ZKSCAN1: variants seen among roughly 807,000 people sequenced by gnomAD.
ZKSCAN1 encodes zinc finger with KRAB and SCAN domains 1.
ZKSCAN1 carries 14 observed loss-of-function variants against 51.6 expected under a neutral mutation model. The observed-to-expected ratio is 0.27, with a 90% CI of 0.18 to 0.42. The LOEUF is 0.42. Ranked by LOEUF, ZKSCAN1 falls within the 10% of genes least tolerant of loss-of-function variation. The pLI is 1.00. For synonymous variants in ZKSCAN1, 263 were observed against 261.5 expected, an observed-to-expected ratio of 1.01 and a Z score of -0.06; for missense variants, 531 against 710.0, an observed-to-expected ratio of 0.75 and a Z score of 2.86.
At position 100,024,275 on chromosome 7, in the gene ZKSCAN1, C is replaced by T. The variant is rs759540374; in HGVS notation, c.548C>T (p.Ser183Leu). The change falls in exon 3 of 6, where the codon TCG (serine) becomes TTG (leucine). Residue 183 changes from serine (S) to leucine (L), a missense_variant. Ser to Leu is a moderately radical substitution (Grantham distance 145). Coordinates refer to ENST00000324306, the MANE Select transcript of ZKSCAN1 (RefSeq NM_003439.4). ...HEATQSHFKH[S>L]SRKPRLLQSR... ...GCCACCCAGTCCCACTTCAAACATT[C>T]GTCTCGGAAACCCCGCCTCTTACAG... The T allele has an allele frequency of 1.1e-5, 17 of 1,613,876 alleles. No homozygotes were observed. The Admixed American group carries it at 1.2e-4, about 11-fold the overall frequency.
At chr7:100,030,512 T>G (rs1791061877) in intron 5 of ZKSCAN1, 137 bp downstream of exon 5, 1 of 1,111,430 alleles carries the variant, frequency 9.0e-7, no homozygotes, top group African/African-American at 1.6e-5. Flanking sequence ...AGATGGAAAG[T>G]GAGAATGTTT....
Position 100,023,809 on chromosome 7 carries a change from A to G in ZKSCAN1, c.303A>G (p.Leu101=), listed in dbSNP as rs1159812675. The G allele has an allele frequency of 1.2e-6, 2 of 1,614,194 alleles. No individual in the cohort carries two copies. The highest frequency in any genetic ancestry group is 1.1e-5 in the South Asian group (1 of 91,076). Residue 101 remains leucine (L), a synonymous_variant, in exon 2 of 6, where the codon CTA becomes CTG. Coordinates refer to ENST00000324306, the MANE Select transcript of ZKSCAN1 (RefSeq NM_003439.4). ...TKEQILELLV[L]EQFLSILPKE... ...AACAGATCCTGGAGCTTCTGGTGCT[A>G]GAGCAGTTTCTTTCCATCCTGCCCA...
chr7:100,029,768 A>C (rs566583165), intron 3 of ZKSCAN1, 93 bp from the exon 4 acceptor site: 47 of 1,191,094 alleles, frequency 3.9e-5, no homozygotes, highest in Non-Finnish European at 5.5e-5. Context: ...AACAGTGAAC[A>C]TGCTGGTGCA....
Position 100,023,900 on chromosome 7 carries a change from G to A in ZKSCAN1, c.394G>A (p.Glu132Lys). The A allele has an allele frequency of 1.2e-6, 2 of 1,602,924 alleles. No individual in the cohort carries two copies. The highest frequency in any genetic ancestry group is 1.7e-6 in the Non-Finnish European group (2 of 1,176,884). ...DSGEEAVTLL[E>K]DLELDLSGQQ... ...TGGAGAGGAGGCCGTGACCCTTCTAGAAGACTTGGAGCTTGATTTATCAGG... is the reference window on the plus strand; with the variant it reads ...TGGAGAGGAGGCCGTGACCCTTCTAAAAGACTTGGAGCTTGATTTATCAGG... The change falls in exon 2 of 6, where the codon GAA (glutamate) becomes AAA (lysine). Residue 132 changes from glutamate to lysine, a missense_variant. By Grantham distance (56) the Glu-to-Lys change is moderately conservative. Around this residue, in one of 2 missense-constraint regions of ZKSCAN1, gnomAD observed 403 missense variants for 490.5 expected, o/e 0.82. Coordinates refer to ENST00000324306, the MANE Select transcript of ZKSCAN1 (RefSeq NM_003439.4).
At chr7:100,030,564 T>G (rs1034798647) in intron 5 of ZKSCAN1, among the ~76,000 whole-genome samples, 189 bp downstream of exon 5, 1 of 152,170 alleles carries the variant, frequency 6.6e-6, no homozygotes, top group African/African-American at 2.4e-5. Context: ...TGACCCTGAT[T>G]CCAGGTGGGT....
In ZKSCAN1 at chr7:100,029,164, CAAAAA is replaced by C. The variant is rs56176717; in HGVS notation, c.581-676_581-672del. On this transcript the variant is annotated intron_variant, in intron 3 of 5. Coordinates refer to ENST00000324306, the MANE Select transcript of ZKSCAN1 (RefSeq NM_003439.4). ...GGGCAACAAGAGCAAAACTCTGTCT[CAAAAA>C]AAAAAAAAAAAAAAAAAAAACTTAC... 4.1e-3 allele frequency among the ~76,000 whole-genome samples: 490 copies of C among 120,266 alleles called. 2 individuals are homozygous for C. Among genetic ancestry groups the C allele is most frequent in the African/African-American group, 0.015 (473 of 31,672 alleles). 78.9% of individuals were successfully genotyped at this position (120,266 alleles called of 152,430 possible).
chr7:100,029,143 A>T (rs1790980310), intron 3 of ZKSCAN1, among the ~76,000 whole-genome samples: 1 of 138,000 alleles, frequency 7.2e-6, no homozygotes, highest in African/African-American at 2.8e-5. Flanking sequence ...CAGCCTGGGC[A>T]ACAAGAGCAA....
Position 100,023,888 on chromosome 7 carries a change from G to A in ZKSCAN1, c.382G>A (p.Val128Met), listed in dbSNP as rs1179781618. The part of the protein sequence containing the change: ...EYRPDSGEEA[V>M]TLLEDLELDL... ...CCGCCCCGATAGTGGAGAGGAGGCCGTGACCCTTCTAGAAGACTTGGAGCT... is the reference window on the plus strand; with the variant it reads ...CCGCCCCGATAGTGGAGAGGAGGCCATGACCCTTCTAGAAGACTTGGAGCT... The change falls in exon 2 of 6, where the codon GTG (valine) becomes ATG (methionine). Residue 128 changes from valine (V) to methionine (M), a missense_variant. Transcript: ENST00000324306. 2.5e-6 allele frequency: 4 copies of A among 1,608,436 alleles called. No individual in the cohort carries two copies. The highest frequency in any genetic ancestry group is 2.2e-5 in the East Asian group (1 of 44,860).
chr7:100,045,239 G>A (rs184067602), downstream of ZKSCAN1, among the ~76,000 whole-genome samples: 4 of 149,372 alleles, frequency 2.7e-5, no homozygotes, highest in East Asian at 4.1e-4. Flanking sequence ...AAACCCCTAC[G>A]AAACATTTTT....
At chr7:100,027,034 C>T (rs564803828) in intron 3 of ZKSCAN1, among the ~76,000 whole-genome samples, 78 of 152,242 alleles carry the variant, frequency 5.1e-4, no homozygotes, top group Non-Finnish European at 9.7e-4. Context: ...CAGTGGCCCA[C>T]GCCTCTAATC....
intron 1 of ZKSCAN1, among the ~76,000 whole-genome samples, chr7:100,018,934 T>G (rs1483726023): frequency 6.6e-6 from 1 of 152,218 alleles, no homozygotes; most frequent in East Asian, 1.9e-4. Context: ...ACTCATTTCC[T>G]CCTTAGAGTC....
chr7:100,018,449 G>A (rs907467840), intron 1 of ZKSCAN1, among the ~76,000 whole-genome samples: 18 of 150,978 alleles, frequency 1.2e-4, no homozygotes, highest in Non-Finnish European at 2.5e-4. Context: ...CTGTCACCCA[G>A]GCTGGAGTGC....
Position 100,024,280 on chromosome 7 carries a change from C to G in ZKSCAN1, c.553C>G (p.Arg185Gly), listed in dbSNP as rs1390026877. 1 of 1,613,994 alleles carries G rather than the reference C, an allele frequency of 6.2e-7. No homozygotes were observed. Among genetic ancestry groups the G allele is most frequent in the Non-Finnish European group, 8.5e-7 (1 of 1,180,010 alleles). ...CCAGTCCCACTTCAAACATTCGTCTCGGAAACCCCGCCTCTTACAGTCACG... is the reference window on the plus strand; with the variant it reads ...CCAGTCCCACTTCAAACATTCGTCTGGGAAACCCCGCCTCTTACAGTCACG... ...ATQSHFKHSSRKPRLLQSRAL... is the reference protein window; with the variant it reads ...ATQSHFKHSSGKPRLLQSRAL... The change falls in exon 3 of 6, where the codon CGG becomes GGG. Residue 185 changes from arginine to glycine, a missense_variant. By Grantham distance (125) the Arg-to-Gly change is moderately radical. Around this residue, in one of 2 missense-constraint regions of ZKSCAN1, gnomAD observed 403 missense variants for 490.5 expected, o/e 0.82. Transcript: ENST00000324306.
rs536592562 is a variant in ZKSCAN1, at chr7:100,032,756, C to T, written c.800-549C>T. On this transcript the variant is annotated intron_variant, in intron 5 of 5. Coordinates refer to ENST00000324306, the MANE Select transcript of ZKSCAN1 (RefSeq NM_003439.4). Reference sequence around the variant, plus strand: ...AGGCGTGGTGGCTCACGCCTGTAATCCCAGCACTTTGGGAGGCCGAGGCGG... The same window carrying T: ...AGGCGTGGTGGCTCACGCCTGTAATTCCAGCACTTTGGGAGGCCGAGGCGG... Among the ~76,000 whole-genome samples, 10 of 152,056 alleles carry T rather than the reference C, an allele frequency of 6.6e-5. No individual in the cohort carries two copies. In the East Asian group the frequency reaches 1.7e-3, roughly 27 times the overall value.
chr7:100,044,400 G>A (rs1301834588), downstream of ZKSCAN1, among the ~76,000 whole-genome samples: 3 of 152,044 alleles, frequency 2.0e-5, no homozygotes, highest in African/African-American at 7.2e-5. Flanking sequence ...GGGCATGGTG[G>A]CTCACGCCTG....
In ZKSCAN1 at chr7:100,017,462, G is replaced by A. The variant is rs193172912; in HGVS notation, c.-89+1736G>A. Among the ~76,000 whole-genome samples, 303 of 152,328 alleles carry A rather than the reference G, an allele frequency of 2.0e-3. 1 individual carries two copies. The highest frequency in any genetic ancestry group is 3.6e-3 in the Non-Finnish European group (245 of 68,030). On this transcript the variant is annotated intron_variant, in intron 1 of 5. Coordinates refer to ENST00000324306, the MANE Select transcript of ZKSCAN1 (RefSeq NM_003439.4). ...GGTCTCGAACGCCTGATCTCAGGCA[G>A]TCCGCCAACCTCAGCCTCCCAAAGT...
At chr7:100,028,537 C>T (rs1318209212) in intron 3 of ZKSCAN1, among the ~76,000 whole-genome samples, 1 of 152,060 alleles carries the variant, frequency 6.6e-6, no homozygotes, top group Admixed American at 6.6e-5. Context: ...GAAATAGGTA[C>T]AAGGTTTGGT....
chr7:100,023,763 G>A lies in ZKSCAN1; in HGVS notation c.257G>A (p.Arg86Gln), dbSNP rs371646053. 2.2e-5 allele frequency: 35 copies of A among 1,614,008 alleles called. No individual in the cohort carries two copies. The African/African-American group carries it at 3.9e-4, about 18-fold the overall frequency. ...RLKELCHQWL[R>Q]PEINTKEQIL... is the part of the protein sequence containing the mutation. ...AAGGAACTTTGTCATCAGTGGCTGC[G>A]GCCAGAAATAAACACCAAGGAACAG... The change falls in exon 2 of 6, where the codon CGG (arginine) becomes CAG (glutamine). Residue 86 changes from arginine to glutamine, a missense_variant. Arg to Gln is a conservative substitution (Grantham distance 43). This residue lies in a region of ZKSCAN1 where 403 missense variants were observed against 490.5 expected (regional missense o/e 0.82). Transcript: ENST00000324306.
Position 100,034,251 on chromosome 7 carries a change from G to A in ZKSCAN1, c.*54G>A, listed in dbSNP as rs1291854394. ...CCCTTTTGTTTCTAAAATTATTTCA[G>A]AGATGTGTGCTCCTGGAGGGAAAAA... On this transcript the variant is annotated 3_prime_UTR_variant, in exon 6 of 6. Transcript: ENST00000324306. 5.3e-6 allele frequency: 8 copies of A among 1,499,512 alleles called. No homozygotes were observed. In the East Asian group the frequency reaches 1.6e-4, roughly 30 times the overall value. 92.9% of individuals were successfully genotyped at this position (1,499,512 alleles called of 1,614,324 possible). A position where few individuals can be genotyped will look rare whatever the true frequency, so the allele number is the denominator to read the frequency against.
Sources: allele counts gnomAD v4.1 joint callset (sites outside exome capture counted in the v4.1 genomes callset), GRCh38; gene constraint gnomAD v4.1.1; regional missense constraint gnomAD v4.1.1; transcripts MANE v1.5; gene names NCBI Gene and HGNC (gene_info 2026-07-23, HGNC 2026-07-21).